Variants in CPNE2 observed in about 807,000 individuals in gnomAD.
CPNE2 encodes copine-2.
CPNE2 carries 42 observed loss-of-function variants against 69.7 expected under a neutral mutation model. That is an observed-to-expected ratio of 0.60 (90% CI 0.47 to 0.78). The LOEUF is 0.78. CPNE2 is among the 30% of genes least tolerant of loss of function. CPNE2 has a pLI of 0.00. For synonymous variants in CPNE2, 294 were observed against 289.8 expected, an observed-to-expected ratio of 1.01 and a Z score of -0.15; for missense variants, 587 against 732.0, an observed-to-expected ratio of 0.80 and a Z score of 2.29.
At chr16:57,097,055 C>G (rs989960394) in intron 1 of CPNE2, among the ~76,000 whole-genome samples, 15 of 152,158 alleles carry the variant, frequency 9.9e-5, no homozygotes, top group African/African-American at 2.9e-4. Flanking sequence ...TCACTGAGTA[C>G]CTGCTGGGCA....
chr16:57,123,551 A>G (rs1445815397), intron 10 of CPNE2, 78 bp downstream of exon 10: 4 of 1,463,384 alleles, frequency 2.7e-6, no homozygotes, highest in Non-Finnish European at 9.5e-7. Flanking sequence ...CCACTAGTGC[A>G]GCCAGAGGGA....
At chr16:57,133,310 C>T (rs371975148) in intron 12 of CPNE2, among the ~76,000 whole-genome samples, 3 of 152,094 alleles carry the variant, frequency 2.0e-5, no homozygotes, top group African/African-American at 7.2e-5. Context: ...AACCCCATTG[C>T]CTGAAACGGG....
chr16:57,119,362 C>A lies in CPNE2; in HGVS notation c.591+84C>A. The A allele has an allele frequency of 2.1e-6, 3 of 1,407,224 alleles. No individual in the cohort carries two copies. The South Asian group carries it at 3.5e-5, about 16-fold the overall frequency. 87.2% of individuals were successfully genotyped at this position (1,407,224 alleles called of 1,614,324 possible). ...CAGCTCTGAAAAAGGGAGGTGCGGT[C>A]ACAGCCGCTCAGTGTGCAGGAAAAC... is the stretch of plus-strand genomic sequence containing the variant. On this transcript the variant is annotated intron_variant, in intron 6 of 15. Coordinates refer to ENST00000290776, the MANE Select transcript of CPNE2 (RefSeq NM_152727.6).
In CPNE2 at chr16:57,115,889, C is replaced by T. The variant is rs1205224214; in HGVS notation, c.435+339C>T. 5.3e-5 allele frequency among the ~76,000 whole-genome samples: 8 copies of T among 152,376 alleles called. No individual in the cohort carries two copies. The South Asian group carries it at 6.2e-4, about 12-fold the overall frequency. ...ATGATTCCTGCAATGCGCAACGACT[C>T]CCGCGATGCGCAGTAATTCCGCTGG... On this transcript the variant is annotated intron_variant, in intron 4 of 15. Coordinates refer to ENST00000290776, the MANE Select transcript of CPNE2 (RefSeq NM_152727.6).
At chr16:57,120,251 AC>A in intron 7 of CPNE2, among the ~76,000 whole-genome samples, 1 of 150,374 alleles carries the variant, frequency 6.7e-6, no homozygotes, top group South Asian at 2.1e-4. Context: ...AGCATGGGTA[AC>A]AGAGCAAGAT....
chr16:57,100,545 C>T (rs1205823600), intron 1 of CPNE2, among the ~76,000 whole-genome samples: 3 of 152,168 alleles, frequency 2.0e-5, no homozygotes, highest in African/African-American at 4.8e-5. Context: ...AATGACTTGT[C>T]CAGAGTCACA....
chr16:57,113,605 C>A, intron 3 of CPNE2, 138 bp downstream of exon 3: 1 of 920,978 alleles, frequency 1.1e-6, no homozygotes, highest in Non-Finnish European at 1.6e-6. Flanking sequence ...GGGGAACAGT[C>A]TTGGCGGGTT....
intron 9 of CPNE2, among the ~76,000 whole-genome samples, chr16:57,123,081 T>C (rs1253398115): frequency 6.6e-6 from 1 of 152,154 alleles, no homozygotes; most frequent in Non-Finnish European, 1.5e-5. Flanking sequence ...GGTAGATTAA[T>C]AAGGGCCAGG....
Position 57,120,554 on chromosome 16 carries a change from G to C in CPNE2, c.682-539G>C, listed in dbSNP as rs1182644706. Among the ~76,000 whole-genome samples the C allele has an allele frequency of 3.9e-5, 6 of 152,234 alleles. No homozygotes were observed. The East Asian group carries it at 9.6e-4, about 24-fold the overall frequency. Reference sequence around the variant, plus strand: ...CTGGGGAGACAGCTAGGTCAGGACAGAGATTCCCAAGTAGGATACCAGGAA... The same window carrying C: ...CTGGGGAGACAGCTAGGTCAGGACACAGATTCCCAAGTAGGATACCAGGAA... On this transcript the variant is annotated intron_variant, in intron 7 of 15. Coordinates refer to ENST00000290776, the MANE Select transcript of CPNE2 (RefSeq NM_152727.6).
intron 3 of CPNE2, 105 bp downstream of exon 3, chr16:57,113,572 G>A (rs1567667117): frequency 4.1e-6 from 5 of 1,210,588 alleles, no homozygotes; most frequent in African/African-American, 1.5e-5. Flanking sequence ...TCCTGGGTGG[G>A]TCCCAAAGTG....
chr16:57,095,499 A>G (rs1004055869), intron 1 of CPNE2, among the ~76,000 whole-genome samples: 1 of 152,016 alleles, frequency 6.6e-6, no homozygotes, highest in East Asian at 1.9e-4. Context: ...TTGAGACAGG[A>G]TCTTGCTCTG....
rs1238844715 is a variant in CPNE2, at chr16:57,130,645, G to A, written c.1116+2742G>A. Among the ~76,000 whole-genome samples, 1 of 152,098 alleles carries A rather than the reference G, an allele frequency of 6.6e-6. No homozygotes were observed. Among genetic ancestry groups the A allele is most frequent in the African/African-American group, 2.4e-5 (1 of 41,424 alleles). ...GAGGAAGCCAAGCAGTCAGGGCTCG[G>A]GGAGGAGGGAGTGGGGTTGGAGGCT... On this transcript the variant is annotated intron_variant, in intron 12 of 15. Coordinates refer to ENST00000290776, the MANE Select transcript of CPNE2 (RefSeq NM_152727.6). The surrounding 1 kb of genome is among the most constrained non-coding windows in gnomAD (Gnocchi z 4.1).
rs1370912388 is a variant in CPNE2, at chr16:57,125,464, G to A, written c.928-396G>A. 2.6e-5 allele frequency: 11 copies of A among 419,674 alleles called. No homozygotes were observed. The East Asian group carries it at 7.9e-4, about 30-fold the overall frequency. The allele number at this position is 419,674 out of a possible 1,614,324, so 26.0% of individuals were successfully genotyped here. A position where few individuals can be genotyped will look rare whatever the true frequency, so the allele number is the denominator to read the frequency against. On this transcript the variant is annotated intron_variant, in intron 10 of 15. Transcript: ENST00000290776. ...GCAGTGGAGCAGTGGCATCTGAGTT[G>A]GGCCTGGAAGATGGAGCAAAGTTAG... is the stretch of plus-strand genomic sequence containing the variant.
intron 3 of CPNE2, among the ~76,000 whole-genome samples, chr16:57,114,961 G>T (rs1268060479): frequency 1.8e-5 from 1 of 56,114 alleles, no homozygotes; most frequent in Non-Finnish European, 3.2e-5. Flanking sequence ...AAAAAAAAAA[G>T]CCAGGCGTGG....
In CPNE2 at chr16:57,129,119, G is replaced by A. The variant is rs564531403; in HGVS notation, c.1116+1216G>A. On this transcript the variant is annotated intron_variant, in intron 12 of 15. Transcript: ENST00000290776. ...CAGGGCAGAGAACAGACTGTGCGAA[G>A]CCTGCAGGACGAGCTGGAGGAACTG... 3.4e-3 allele frequency: 524 copies of A among 153,220 alleles called. 4 individuals carry two copies. Among genetic ancestry groups the A allele is most frequent in the African/African-American group, 0.012 (499 of 41,582 alleles). The allele number at this position is 153,220 out of a possible 1,614,324, so 9.5% of individuals were successfully genotyped here. A position where few individuals can be genotyped will look rare whatever the true frequency, so the allele number is the denominator to read the frequency against.
Position 57,109,041 on chromosome 16 carries a change from T to C in CPNE2, c.-35-1667T>C, listed in dbSNP as rs574771899. On this transcript the variant is annotated intron_variant, in intron 1 of 15. Transcript: ENST00000290776. ...AGCTAGAGATACAGGGTGAAGGTGA[T>C]AGACAATGAACAAGGGTGAATTTTT... is the stretch of plus-strand genomic sequence containing the variant. Among the ~76,000 whole-genome samples, 106 of 152,222 alleles carry C rather than the reference T, an allele frequency of 7.0e-4. 2 individuals carry two copies. The highest frequency in any genetic ancestry group is 2.5e-3 in the African/African-American group (102 of 41,524).
intron 12 of CPNE2, among the ~76,000 whole-genome samples, chr16:57,132,781 C>T (rs1016213728): frequency 3.9e-5 from 6 of 152,136 alleles, no homozygotes; most frequent in African/African-American, 1.4e-4. Context: ...CACTGTGTGA[C>T]CTGGGCACTC....
intron 2 of CPNE2, among the ~76,000 whole-genome samples, chr16:57,111,922 T>C (rs556708883): frequency 6.6e-6 from 1 of 152,314 alleles, no homozygotes; most frequent in Admixed American, 6.5e-5. Context: ...ATGTAGAGAA[T>C]CCAGATAAAC....
At chr16:57,118,602 A>T (rs1322389531) in intron 5 of CPNE2, among the ~76,000 whole-genome samples, 2 of 151,994 alleles carry the variant, frequency 1.3e-5, no homozygotes, top group Non-Finnish European at 2.9e-5. Flanking sequence ...GGATCACTTG[A>T]GGCCAGGATT....
Sources: allele counts gnomAD v4.1 joint callset (sites outside exome capture counted in the v4.1 genomes callset), GRCh38; gene constraint gnomAD v4.1.1; non-coding constraint Gnocchi (gnomAD v3.1); transcripts MANE v1.5; gene names NCBI Gene and HGNC (gene_info 2026-07-23, HGNC 2026-07-21).